The following FAM178B variants were observed in gnomAD, a reference collection of about 807,000 sequenced individuals.
FAM178B encodes the protein protein FAM178B.
In FAM178B, 82 loss-of-function variants were observed where a neutral mutation model predicts 91.7. That is an observed-to-expected ratio of 0.89 (90% CI 0.75 to 1.07). The LOEUF is 1.07. FAM178B is among the 50% of genes least tolerant of loss of function. FAM178B has a pLI of 0.00. For missense variants in FAM178B, 769 were observed against 846.7 expected, an observed-to-expected ratio of 0.91 and a Z score of 1.14; for synonymous variants, 368 against 359.4, an observed-to-expected ratio of 1.02 and a Z score of -0.27.
At chr2:96,901,644 T>G (rs1295710605) in intron 13 of FAM178B, among the ~76,000 whole-genome samples, 3 of 152,196 alleles carry the variant, frequency 2.0e-5, no homozygotes, top group Non-Finnish European at 4.4e-5. Context: ...AAAAATGGGC[T>G]GTGGGCACTG....
At chr2:96,885,116 G>A (rs550966690) in intron 14 of FAM178B, among the ~76,000 whole-genome samples, 7 of 152,242 alleles carry the variant, frequency 4.6e-5, no homozygotes, top group African/African-American at 1.4e-4. Context: ...ACCCAAACAC[G>A]GTCCCTAAAC....
intron 9 of FAM178B, among the ~76,000 whole-genome samples, chr2:96,924,714 C>T (rs1325698296): frequency 6.6e-6 from 1 of 152,168 alleles, no homozygotes; most frequent in Non-Finnish European, 1.5e-5. Flanking sequence ...ATGAGGGTCC[C>T]CTCTGCTGTC....
At chr2:96,906,914 C>T (rs1200256193) in intron 12 of FAM178B, among the ~76,000 whole-genome samples, 2 of 152,210 alleles carry the variant, frequency 1.3e-5, no homozygotes, top group Non-Finnish European at 2.9e-5. Context: ...AACTTGAGGC[C>T]TGCGCGGGAG....
In FAM178B at chr2:96,972,584, C is replaced by T. The variant is rs1386765644; in HGVS notation, c.96G>A (p.Gln32=). The change falls in exon 2 of 17, where the codon CAG becomes CAA. Residue 32 remains glutamine, a synonymous_variant. Coordinates refer to ENST00000490605, the MANE Select transcript of FAM178B (RefSeq NM_001122646.3). ...GCACCGTCTCCTGGGGCCCAGCCAT[C>T]TGCAAGCCGTGGGACATCTGTCCTG... ...HFTGQMSHGL[Q]MAGPQETVLA... is the part of the protein sequence containing the mutation. 3 of 1,551,660 alleles carry T rather than the reference C, an allele frequency of 1.9e-6. No homozygotes were observed. Among genetic ancestry groups the T allele is most frequent in the Non-Finnish European group, 2.6e-6 (3 of 1,146,996 alleles).
intron 13 of FAM178B, chr2:96,895,250 C>A: frequency 2.0e-6 from 1 of 498,286 alleles, no homozygotes; most frequent in East Asian, 7.3e-5. Flanking sequence ...CATTTCTTTC[C>A]TAACAGAATC....
At chr2:96,903,166 A>G (rs2080967202) in intron 12 of FAM178B, among the ~76,000 whole-genome samples, 1 of 152,156 alleles carries the variant, frequency 6.6e-6, no homozygotes, top group South Asian at 2.1e-4. Context: ...CAGCCTCCTG[A>G]GTAGCTGGGA....
chr2:96,900,015 G>C (rs1318598873), intron 13 of FAM178B, among the ~76,000 whole-genome samples: 3 of 151,820 alleles, frequency 2.0e-5, no homozygotes, highest in Admixed American at 1.3e-4. Flanking sequence ...CCTCCACCAG[G>C]AAGGCAGCCC....
At chr2:96,973,878 C>T (rs1033246060) in intron 1 of FAM178B, among the ~76,000 whole-genome samples, 1 of 151,918 alleles carries the variant, frequency 6.6e-6, no homozygotes, top group African/African-American at 2.4e-5. Flanking sequence ...TGGCACACGC[C>T]TGTAATCCCA....
At chr2:96,878,136 G>T in intron 15 of FAM178B, 94 bp from the exon 16 acceptor site, 2 of 1,363,046 alleles carry the variant, frequency 1.5e-6, no homozygotes, top group Non-Finnish European at 1.0e-6. Flanking sequence ...AGAAAGGAAG[G>T]GGCACATTTG....
At chr2:96,941,736 A>T (rs900227254) in intron 8 of FAM178B, among the ~76,000 whole-genome samples, 4 of 152,200 alleles carry the variant, frequency 2.6e-5, no homozygotes, top group Non-Finnish European at 4.4e-5. Flanking sequence ...TGAAATGGGT[A>T]GGTAAAAATG....
intron 3 of FAM178B, among the ~76,000 whole-genome samples, chr2:96,971,539 C>T (rs1474101939): frequency 1.3e-5 from 2 of 152,200 alleles, no homozygotes; most frequent in Admixed American, 6.5e-5. Flanking sequence ...CAGCTTGAGT[C>T]TCTACAGACA....
At chr2:96,951,312 C>CTG in intron 7 of FAM178B, 67 bp downstream of exon 7, 1 of 1,168,358 alleles carries the variant, frequency 8.6e-7, no homozygotes, top group East Asian at 2.6e-5. Flanking sequence ...ACCCCTCAGC[C>CTG]TGTGGGCCTG....
chr2:96,972,556 C>T lies in FAM178B; in HGVS notation c.124G>A (p.Ala42Thr), dbSNP rs1238947555. Reference protein sequence around the residue: ...QMAGPQETVLALPLREGVQAA... With the variant: ...QMAGPQETVLTLPLREGVQAA... ...CGCCTACCTTCTCTCAGAGGAAGGG[C>T]TAGCACCGTCTCCTGGGGCCCAGCC... is the stretch of plus-strand genomic sequence containing the variant. The change falls in exon 2 of 17, where the codon GCC becomes ACC. Residue 42 changes from alanine (A) to threonine (T), a missense_variant. By Grantham distance (58) the Ala-to-Thr change is moderately conservative. Coordinates refer to ENST00000490605, the MANE Select transcript of FAM178B (RefSeq NM_001122646.3). The T allele has an allele frequency of 6.4e-7, 1 of 1,551,594 alleles. No homozygotes were observed. The highest frequency in any genetic ancestry group is 8.7e-7 in the Non-Finnish European group (1 of 1,146,998).
At chr2:96,919,891 G>T (rs1393970573) in intron 12 of FAM178B, among the ~76,000 whole-genome samples, 1 of 152,208 alleles carries the variant, frequency 6.6e-6, no homozygotes, top group Non-Finnish European at 1.5e-5. Context: ...GCGGAGCCCA[G>T]GACAACTGAA....
rs749964617 is a variant in FAM178B, at chr2:96,951,455, A to G, written c.917T>C (p.Leu306Pro). ...SSPPAQQLSF[L>P]RSGLLNILYL... ...GAGGATGTTCAGGAGGCCACTGCGC[A>G]GGAAGGAGAGCTGTTGGGCTGGCGG... Residue 306 changes from leucine (L) to proline (P), a missense_variant, in exon 7 of 17, where the codon CTG (leucine) becomes CCG (proline). Leu to Pro is a moderately conservative substitution (Grantham distance 98). Coordinates refer to ENST00000490605, the MANE Select transcript of FAM178B (RefSeq NM_001122646.3). The G allele has an allele frequency of 5.8e-6, 9 of 1,551,444 alleles. No homozygotes were observed. Among genetic ancestry groups the G allele is most frequent in the Admixed American group, 2.0e-5 (1 of 50,970 alleles).
intron 14 of FAM178B, among the ~76,000 whole-genome samples, chr2:96,881,688 T>A (rs866489774): frequency 6.9e-6 from 1 of 145,348 alleles, no homozygotes; most frequent in Non-Finnish European, 1.5e-5. Flanking sequence ...GGAGAGTTAC[T>A]GGTTTCACAA....
intron 5 of FAM178B, among the ~76,000 whole-genome samples, chr2:96,963,610 T>A (rs545169502): frequency 6.6e-6 from 1 of 152,220 alleles, no homozygotes; most frequent in East Asian, 1.9e-4. Flanking sequence ...TCCTAAACTT[T>A]CACCATAAAA....
intron 12 of FAM178B, among the ~76,000 whole-genome samples, chr2:96,903,701 T>C (rs2080978347): frequency 6.6e-6 from 1 of 152,182 alleles, no homozygotes; most frequent in Non-Finnish European, 1.5e-5. Flanking sequence ...GCCCTGAGAA[T>C]GCCCAGAGAC....
intron 14 of FAM178B, among the ~76,000 whole-genome samples, chr2:96,889,669 C>T (rs903355202): frequency 1.4e-5 from 2 of 143,964 alleles, no homozygotes; most frequent in Non-Finnish European, 3.0e-5. Context: ...CAGAGCAAGA[C>T]TCTGTCTCAA....
Sources: gnomAD v4.1 joint callset for allele counts (sites outside exome capture counted in the v4.1 genomes callset) on GRCh38, gnomAD v4.1.1 for gene constraint, MANE v1.5 for transcripts, NCBI Gene and HGNC (gene_info 2026-07-23, HGNC 2026-07-21) for gene names.